EPB42: variants seen among roughly 807,000 people sequenced by gnomAD.
EPB42 encodes the protein erythrocyte membrane protein band 4.2.
A neutral mutation model predicts 76.9 loss-of-function variants in EPB42; 49 were observed. The observed-to-expected ratio is 0.64, with a 90% confidence interval of 0.51 to 0.81. The LOEUF is 0.81. Among genes scored for constraint, EPB42 ranks in the 30% least tolerant of loss-of-function variants. The pLI is 0.00. For synonymous variants in EPB42, 310 were observed against 338.4 expected, an observed-to-expected ratio of 0.92 and a Z score of 0.92; for missense variants, 731 against 867.6, an observed-to-expected ratio of 0.84 and a Z score of 1.98.
intron 3 of EPB42, among the ~76,000 whole-genome samples, chr15:43,213,774 G>C (rs2042335205): frequency 6.6e-6 from 1 of 152,218 alleles, no homozygotes; most frequent in African/African-American, 2.4e-5. Context: ...ATGAATACTA[G>C]CTCCCATCTG....
At chr15:43,200,982 T>C (rs1567270573) in intron 12 of EPB42, among the ~76,000 whole-genome samples, 1 of 152,178 alleles carries the variant, frequency 6.6e-6, no homozygotes, top group African/African-American at 2.4e-5. Context: ...GCCCGGCTAA[T>C]TTTTTGTAAT....
chr15:43,208,943 A>T (rs1265540790), intron 6 of EPB42, among the ~76,000 whole-genome samples, 168 bp from the exon 7 acceptor site: 3 of 152,192 alleles, frequency 2.0e-5, no homozygotes, highest in Non-Finnish European at 4.4e-5. Context: ...AGGCTGATCA[A>T]TAAGGCACAG....
rs558544720 is a variant in EPB42, at chr15:43,220,884, G to A, written c.-59C>T. Reference sequence around the variant, plus strand: ...CAGAAAGCGCCTCTCTCAAACTGTTGCTTCTGGGCTCCTTCTGGGCTTTCT... The same window carrying A: ...CAGAAAGCGCCTCTCTCAAACTGTTACTTCTGGGCTCCTTCTGGGCTTTCT... On this transcript the variant is annotated 5_prime_UTR_variant, in exon 1 of 13. Coordinates refer to ENST00000441366, the MANE Select transcript of EPB42 (RefSeq NM_001114134.2). The A allele has an allele frequency of 4.7e-6, 7 of 1,481,128 alleles. No individual in the cohort carries two copies. In the African/African-American group the frequency reaches 9.7e-5, roughly 20 times the overall value. 91.7% of individuals were successfully genotyped at this position (1,481,128 alleles called of 1,614,324 possible).
At chr15:43,220,707 C>T in intron 1 of EPB42, 109 bp downstream of exon 1, 1 of 1,407,070 alleles carries the variant, frequency 7.1e-7, no homozygotes. Flanking sequence ...CATAGTTATA[C>T]CACCATCTCC....
At chr15:43,209,735 G>A (rs1383904158) in intron 5 of EPB42, 5 of 407,546 alleles carry the variant, frequency 1.2e-5, no homozygotes, top group Admixed American at 8.2e-5. Flanking sequence ...TGGTTTCACC[G>A]GTTCTTAGTC....
Position 43,220,801 on chromosome 15 carries a change from G to A in EPB42, c.10+15C>T, listed in dbSNP as rs765904843. 1.9e-6 allele frequency: 3 copies of A among 1,612,372 alleles called. No homozygotes were observed. Among genetic ancestry groups the A allele is most frequent in the South Asian group, 1.1e-5 (1 of 91,076 alleles). ...TACAGTCCAGCAAGCCCTGTCGAGC[G>A]CTGGCTTGGCTCACCCTGTCCCATG... On this transcript the variant is annotated intron_variant, in intron 1 of 12. Coordinates refer to ENST00000441366, the MANE Select transcript of EPB42 (RefSeq NM_001114134.2).
chr15:43,212,094 G>A (rs757227921), intron 3 of EPB42, among the ~76,000 whole-genome samples: 42 of 152,072 alleles, frequency 2.8e-4, no homozygotes, highest in East Asian at 7.7e-4. Context: ...CCAGCCAGGC[G>A]TGGTGGCTCA....
chr15:43,225,320 CAA>C (rs767292302), upstream of EPB42, among the ~76,000 whole-genome samples: 300 of 152,272 alleles, frequency 2.0e-3, 1 homozygote, highest in Non-Finnish European at 1.9e-3. Context: ...TTTAAAGTAA[CAA>C]AAACTTTTAG....
chr15:43,203,313 G>C (rs1567272423), intron 10 of EPB42, 38 bp from the exon 11 acceptor site: 22 of 1,613,350 alleles, frequency 1.4e-5, no homozygotes, highest in Non-Finnish European at 1.8e-5. Flanking sequence ...GGCAACAGGT[G>C]TATGTACCCC....
intron 8 of EPB42, among the ~76,000 whole-genome samples, chr15:43,207,930 G>A (rs532248668): frequency 6.6e-6 from 1 of 152,230 alleles, no homozygotes; most frequent in East Asian, 1.9e-4. Flanking sequence ...TAAGCCCCTG[G>A]CCTAGCACAG....
At chr15:43,207,122 CA>C in intron 9 of EPB42, 76 bp downstream of exon 9, 1 of 1,598,970 alleles carries the variant, frequency 6.3e-7, no homozygotes, top group South Asian at 1.1e-5. Context: ...TTTCTGGCTG[CA>C]TCTACCAGGC....
At chr15:43,210,521 T>C in intron 4 of EPB42, 82 bp from the exon 5 acceptor site, 1 of 1,238,580 alleles carries the variant, frequency 8.1e-7, no homozygotes, top group Non-Finnish European at 1.2e-6. Context: ...GCACTCATCC[T>C]GCAGGACAGC....
At chr15:43,221,622 G>A (rs1242870775), upstream of EPB42, among the ~76,000 whole-genome samples, 3 of 152,204 alleles carry the variant, frequency 2.0e-5, no homozygotes, top group African/African-American at 7.2e-5. Context: ...TGTGTTACCA[G>A]AAGCACTTTC....
At chr15:43,214,793 G>T (rs1182821926) in intron 3 of EPB42, among the ~76,000 whole-genome samples, 2 of 152,154 alleles carry the variant, frequency 1.3e-5, no homozygotes, top group African/African-American at 4.8e-5. Flanking sequence ...GGTCATCTCA[G>T]TGAGTCTCAA....
chr15:43,214,521 C>T (rs1228166867), intron 3 of EPB42, among the ~76,000 whole-genome samples: 6 of 152,142 alleles, frequency 3.9e-5, no homozygotes, highest in Non-Finnish European at 5.9e-5. Flanking sequence ...TTCTGGGAAG[C>T]GGAAGCAGAA....
intron 11 of EPB42, 50 bp downstream of exon 11, chr15:43,203,065 G>T: frequency 1.2e-6 from 2 of 1,608,508 alleles, no homozygotes; most frequent in Non-Finnish European, 1.7e-6. Context: ...CTGAAATGGG[G>T]ACCTGAGTGG....
chr15:43,210,268 G>T (rs2042273058), intron 5 of EPB42, 67 bp downstream of exon 5: 2 of 1,391,732 alleles, frequency 1.4e-6, no homozygotes, highest in Non-Finnish European at 1.0e-6. Context: ...CACGGTGGTG[G>T]GGCAGGTCTC....
intron 4 of EPB42, 50 bp from the exon 5 acceptor site, chr15:43,210,489 T>G (rs753154346): frequency 1.2e-5 from 19 of 1,549,586 alleles, no homozygotes; most frequent in Non-Finnish European, 1.7e-5. Flanking sequence ...CACAGGGCCA[T>G]GAGGAAGGGT....
At chr15:43,205,831 C>T (rs1054793919) in intron 10 of EPB42, among the ~76,000 whole-genome samples, 2 of 152,140 alleles carry the variant, frequency 1.3e-5, no homozygotes, top group Non-Finnish European at 2.9e-5. Flanking sequence ...TAGAATAACA[C>T]AGGGTGTTAA....
Sources: allele counts gnomAD v4.1 joint callset (sites outside exome capture counted in the v4.1 genomes callset), GRCh38; gene constraint gnomAD v4.1.1; transcripts MANE v1.5; gene names NCBI Gene and HGNC (gene_info 2026-07-23, HGNC 2026-07-21).